ATP13A4: variants seen among roughly 807,000 people sequenced by gnomAD.
ATP13A4 encodes ATPase 13A4, also known as probable cation-transporting ATPase 13A4.
In ATP13A4, 114 loss-of-function variants were observed where a neutral mutation model predicts 142.5. The observed-to-expected ratio is 0.80, with a 90% CI of 0.69 to 0.93. The LOEUF (loss-of-function observed/expected upper bound fraction) is 0.93, where lower values mean the gene tolerates loss of function less well. Among genes scored for constraint, ATP13A4 ranks in the 40% least tolerant of loss-of-function variants. The pLI is 0.00. For missense variants in ATP13A4, 1,392 were observed against 1,454.0 expected (o/e 0.96, Z 0.69); for synonymous variants, 488 against 514.8 (o/e 0.95, Z 0.70).
intron 2 of ATP13A4, among the ~76,000 whole-genome samples, chr3:193,561,383 T>C (rs1724013537): frequency 6.6e-6 from 1 of 152,206 alleles, no homozygotes; most frequent in Non-Finnish European, 1.5e-5. Context: ...CTGCTTGCCA[T>C]TCTTCCAAAA....
chr3:193,557,078 G>A (rs770446795), upstream of ATP13A4, among the ~76,000 whole-genome samples: 19 of 152,226 alleles, frequency 1.2e-4, no homozygotes, highest in African/African-American at 3.1e-4. Context: ...ATTGAGATGA[G>A]TGTGTAACTG....
At chr3:193,586,696 C>T (rs986391982) in intron 1 of ATP13A4, among the ~76,000 whole-genome samples, 1 of 152,142 alleles carries the variant, frequency 6.6e-6, no homozygotes, top group African/African-American at 2.4e-5. Context: ...ATTTCTGAAC[C>T]CTTTATTCTG....
At chr3:193,494,099 C>T (rs548328928) in intron 3 of ATP13A4, among the ~76,000 whole-genome samples, 8 of 152,144 alleles carry the variant, frequency 5.3e-5, no homozygotes, top group African/African-American at 1.4e-4. Context: ...CATGTGTATG[C>T]ACCCAACATT....
intron 8 of ATP13A4, among the ~76,000 whole-genome samples, chr3:193,480,643 G>T (rs1241661864): frequency 2.6e-5 from 4 of 152,140 alleles, no homozygotes; most frequent in Admixed American, 2.0e-4. Context: ...TGTTCACGAG[G>T]ATGTGGTGAA....
intron 8 of ATP13A4, among the ~76,000 whole-genome samples, chr3:193,478,299 C>CA (rs1397368610): frequency 3.9e-4 from 57 of 147,294 alleles, no homozygotes; most frequent in Middle Eastern, 3.4e-3. Flanking sequence ...GAAATTGAAA[C>CA]AAAAAAAAAG....
In ATP13A4 at chr3:193,485,339, G is replaced by C. The variant is rs569587682; in HGVS notation, c.739-1334C>G. 2.4e-3 allele frequency among the ~76,000 whole-genome samples: 368 copies of C among 151,960 alleles called. 1 individual carries two copies. The highest frequency in any genetic ancestry group is 8.5e-3 in the African/African-American group (351 of 41,246). On this transcript the variant is annotated intron_variant, in intron 7 of 29. Transcript: ENST00000342695. The stretch of plus-strand genomic sequence containing the variant: ...AGGTGGAGCAGCAGTTACACGTACA[G>C]GTGGAGCAGCAGTCCTTAGAGAGTG...
In ATP13A4 at chr3:193,515,562, A is replaced by T. The variant is rs903205937; in HGVS notation, c.61-691T>A. Among the ~76,000 whole-genome samples the T allele has an allele frequency of 8.5e-5, 13 of 152,102 alleles. No homozygotes were observed. The East Asian group carries it at 2.5e-3, about 29-fold the overall frequency. On this transcript the variant is annotated intron_variant, in intron 1 of 29. Transcript: ENST00000342695. ...AACAATTTTATGTCAAGAGGAAAACACCATAGGGACTATTTGGTTTACTTC... is the reference window on the plus strand; with the variant it reads ...AACAATTTTATGTCAAGAGGAAAACTCCATAGGGACTATTTGGTTTACTTC...
intron 28 of ATP13A4, among the ~76,000 whole-genome samples, chr3:193,407,637 A>G (rs951443053): frequency 6.6e-6 from 1 of 152,070 alleles, no homozygotes; most frequent in Non-Finnish European, 1.5e-5. Context: ...TTCTTCTTTT[A>G]TCTTTTTTTC....
chr3:193,547,697 C>T (rs1293969081), intron 1 of ATP13A4, among the ~76,000 whole-genome samples: 2 of 152,170 alleles, frequency 1.3e-5, no homozygotes, highest in East Asian at 3.8e-4. Flanking sequence ...GCCCTGGGTT[C>T]CTAACTTGCA....
At chr3:193,565,155 C>T (rs1724107855) in intron 2 of ATP13A4, among the ~76,000 whole-genome samples, 1 of 152,146 alleles carries the variant, frequency 6.6e-6, no homozygotes, top group African/African-American at 2.4e-5. Context: ...AAACCACCGC[C>T]CCCGACTCCA....
chr3:193,578,633 C>A (rs1376590256), intron 2 of ATP13A4, among the ~76,000 whole-genome samples: 1 of 152,032 alleles, frequency 6.6e-6, no homozygotes, highest in Admixed American at 6.6e-5. Flanking sequence ...GGGAGATTTG[C>A]CCTCACCCAG....
intron 2 of ATP13A4, among the ~76,000 whole-genome samples, chr3:193,562,507 C>T (rs974125351): frequency 1.3e-5 from 2 of 152,074 alleles, no homozygotes; most frequent in Admixed American, 1.3e-4. Context: ...GGATTTTAGC[C>T]ACTGTTCCCT....
chr3:193,471,134 CA>C, intron 8 of ATP13A4, 141 bp from the exon 9 acceptor site: 1 of 1,146,192 alleles, frequency 8.7e-7, no homozygotes, highest in East Asian at 2.4e-5. Flanking sequence ...AACATTGATT[CA>C]AAATTTGAAA....
intron 1 of ATP13A4, among the ~76,000 whole-genome samples, chr3:193,527,166 G>C (rs1246155357): frequency 6.6e-6 from 1 of 152,190 alleles, no homozygotes; most frequent in Non-Finnish European, 1.5e-5. Flanking sequence ...CCTTTCCCCT[G>C]TGATGTGGTT....
chr3:193,465,730 G>T (rs994089346), intron 11 of ATP13A4, among the ~76,000 whole-genome samples: 5 of 152,152 alleles, frequency 3.3e-5, no homozygotes, highest in Admixed American at 2.0e-4. Context: ...TTTATTGAAA[G>T]AAATATATTC....
At chr3:193,502,409 G>C in intron 3 of ATP13A4, 84 bp downstream of exon 3, 1 of 1,471,584 alleles carries the variant, frequency 6.8e-7, no homozygotes, top group Non-Finnish European at 9.5e-7. Flanking sequence ...GATTGGCACA[G>C]TAGAGGAGCT....
intron 16 of ATP13A4, among the ~76,000 whole-genome samples, chr3:193,456,507 AC>A (rs532338560): frequency 1.3e-5 from 2 of 152,196 alleles, no homozygotes; most frequent in Non-Finnish European, 2.9e-5. Context: ...GGGAGTTCAA[AC>A]CTGAAAGCCT....
At chr3:193,559,891 A>G (rs530513731), upstream of ATP13A4, among the ~76,000 whole-genome samples, 17 of 152,364 alleles carry the variant, frequency 1.1e-4, no homozygotes, top group South Asian at 3.5e-3. Context: ...TAACAATTCC[A>G]GGTCATTAAG....
At position 193,424,302 on chromosome 3, in the gene ATP13A4, G is replaced by C. The variant is rs187224815; in HGVS notation, c.2842+9543C>G. ...ATCCAATCTCTATCAAAACACCAAA[G>C]AAATTTTTCACAGAAATAGAAAAAA... On this transcript the variant is annotated intron_variant, in intron 25 of 29. Transcript: ENST00000342695. Among the ~76,000 whole-genome samples, 3 of 125,924 alleles carry C rather than the reference G, an allele frequency of 2.4e-5. 1 individual carries two copies. The Admixed American group carries it at 2.9e-4, about 12-fold the overall frequency. The allele number at this position is 125,924 out of a possible 152,430, so 82.6% of individuals were successfully genotyped here.
Sources: gnomAD v4.1 joint callset for allele counts (sites outside exome capture counted in the v4.1 genomes callset) on GRCh38, gnomAD v4.1.1 for gene constraint, MANE v1.5 for transcripts, NCBI Gene and HGNC (gene_info 2026-07-23, HGNC 2026-07-21) for gene names.